The following LRTM2 variants were observed in gnomAD, a reference collection of about 807,000 sequenced individuals.
LRTM2 encodes leucine rich repeat transmembrane protein 2.
LRTM2 carries 18 observed loss-of-function variants against 28.1 expected under a neutral mutation model. The ratio of observed to expected loss-of-function variants is 0.64; its 90% confidence interval spans 0.44 to 0.95. The LOEUF is 0.95. Ranked by LOEUF, LRTM2 falls within the 40% of genes least tolerant of loss-of-function variation. LRTM2 has a pLI of 0.00. For missense variants in LRTM2, 436 were observed against 497.2 expected (o/e 0.88, Z 1.17); for synonymous variants, 250 against 218.7 (o/e 1.14, Z -1.26).
chr12:1,821,002 C>T (rs547283223), intron 1 of LRTM2, among the ~76,000 whole-genome samples, 188 bp downstream of exon 1: 42 of 152,260 alleles, frequency 2.8e-4, no homozygotes, highest in Non-Finnish European at 5.4e-4. Flanking sequence ...CAAAGGTGCA[C>T]GACACTGGGA....
chr12:1,823,583 C>G (rs1270712692), intron 1 of LRTM2, among the ~76,000 whole-genome samples: 3 of 152,028 alleles, frequency 2.0e-5, no homozygotes, highest in African/African-American at 7.2e-5. Context: ...TTGGCTCCCC[C>G]AGAACAGAGC....
At chr12:1,827,958 T>C (rs886946) in intron 2 of LRTM2, 118 bp from the exon 3 acceptor site, 335,849 of 421,278 alleles carry the variant, frequency 0.8, 134,749 homozygotes, top group East Asian at 0.91. Context: ...GAATCATAAC[T>C]GAGAGGAACA....
At chr12:1,831,688 C>G (rs1488078139) in intron 4 of LRTM2, among the ~76,000 whole-genome samples, 163 bp downstream of exon 4, 1 of 152,144 alleles carries the variant, frequency 6.6e-6, no homozygotes, top group Non-Finnish European at 1.5e-5. Flanking sequence ...CACAAGCCTC[C>G]CCTCACATGA....
chr12:1,828,296 CT>C lies in LRTM2; in HGVS notation c.67+83del. ...GACTGTAGGTAGCGCCATATGGGAC[CT>C]TAGCCACACTCAGGCTGCAGGGAGG... On this transcript the variant is annotated intron_variant, in intron 3 of 4. Transcript: ENST00000299194. This position sits in a 1 kb window ranked among gnomAD's most constrained non-coding sequence, Gnocchi z 4.2. 1 of 1,220,480 alleles carries C rather than the reference CT, an allele frequency of 8.2e-7. No individual in the cohort carries two copies. The highest frequency in any genetic ancestry group is 1.1e-6 in the Non-Finnish European group (1 of 887,370). The allele number at this position is 1,220,480 out of a possible 1,614,324, so 75.6% of individuals were successfully genotyped here.
chr12:1,834,189 T>G lies in LRTM2; in HGVS notation c.659-78T>G. The G allele has an allele frequency of 1.4e-6, 2 of 1,481,024 alleles. No homozygotes were observed. 91.7% of individuals were successfully genotyped at this position (1,481,024 alleles called of 1,614,324 possible). On this transcript the variant is annotated intron_variant, in intron 4 of 4. Coordinates refer to ENST00000299194, the MANE Select transcript of LRTM2 (RefSeq NM_001039029.3). This position sits in a 1 kb window ranked among gnomAD's most constrained non-coding sequence, Gnocchi z 7.6. ...AAAACTACCTTCTGGGGCTTCCGTT[T>G]TGGGGAGCTGGGGATGGGGAGAGGG...
intron 2 of LRTM2, 168 bp from the exon 3 acceptor site, chr12:1,827,908 G>T (rs968026028): frequency 4.9e-6 from 2 of 409,238 alleles, no homozygotes; most frequent in Non-Finnish European, 8.6e-6. Flanking sequence ...CATCCCAGGG[G>T]CTTGAAGGCT....
intron 1 of LRTM2, among the ~76,000 whole-genome samples, chr12:1,822,319 A>G (rs1864137575): frequency 6.6e-6 from 1 of 151,884 alleles, no homozygotes; most frequent in South Asian, 2.1e-4. Flanking sequence ...GATGGCATGT[A>G]TGTGATGGTT....
In LRTM2 at chr12:1,835,158, G is replaced by C. The variant is rs1864802813; in HGVS notation, c.*437G>C. 5.9e-6 allele frequency: 1 copy of C among 168,492 alleles called. No individual in the cohort carries two copies. The allele number at this position is 168,492 out of a possible 1,614,324, so 10.4% of individuals were successfully genotyped here. On this transcript the variant is annotated 3_prime_UTR_variant, in exon 5 of 5. Coordinates refer to ENST00000299194, the MANE Select transcript of LRTM2 (RefSeq NM_001039029.3). ...ATCTGAGGGATGAAGGTAGATTTCT[G>C]AGACTCTCTCCTAAGCCAGAAAGAC...
At chr12:1,825,489 C>T (rs1458668648) in intron 1 of LRTM2, among the ~76,000 whole-genome samples, 4 of 152,284 alleles carry the variant, frequency 2.6e-5, no homozygotes, top group Admixed American at 1.3e-4. Flanking sequence ...AGGCTGGAGG[C>T]GGCTTACACA....
chr12:1,835,404 A>T lies in LRTM2; in HGVS notation c.*683A>T, dbSNP rs1173383915. On this transcript the variant is annotated 3_prime_UTR_variant, in exon 5 of 5. Coordinates refer to ENST00000299194, the MANE Select transcript of LRTM2 (RefSeq NM_001039029.3). ...CCCATTGCATCACCAGTGCGGTCAC[A>T]TGGATTGAAAGAATTAATACACACA... The T allele has an allele frequency of 6.6e-6, 1 of 152,420 alleles. No individual in the cohort carries two copies. Among genetic ancestry groups the T allele is most frequent in the African/African-American group, 2.4e-5 (1 of 41,372 alleles). 9.4% of individuals were successfully genotyped at this position (152,420 alleles called of 1,614,324 possible).
intron 1 of LRTM2, among the ~76,000 whole-genome samples, chr12:1,824,549 G>A (rs1213526702): frequency 1.3e-5 from 2 of 152,216 alleles, no homozygotes; most frequent in Non-Finnish European, 2.9e-5. Context: ...CTAGGACTGG[G>A]TTAGGAGCAG....
intron 1 of LRTM2, among the ~76,000 whole-genome samples, chr12:1,827,106 G>T (rs1214931493): frequency 6.6e-6 from 1 of 152,186 alleles, no homozygotes; most frequent in African/African-American, 2.4e-5. Context: ...GAAGGAGAGG[G>T]GTGCGGGCAT....
Position 1,828,576 on chromosome 12 carries a change from T to C in LRTM2, c.67+361T>C, listed in dbSNP as rs1864467865. ...AAACAGCCTCACTGGTGCCTGAGCT[T>C]GTCGGCCTGTGTCACAGACTGCGGC... On this transcript the variant is annotated intron_variant, in intron 3 of 4. Transcript: ENST00000299194. This position sits in a 1 kb window ranked among gnomAD's most constrained non-coding sequence, Gnocchi z 4.2. Among the ~76,000 whole-genome samples the C allele has an allele frequency of 6.6e-6, 1 of 152,236 alleles. No homozygotes were observed.
chr12:1,824,330 G>A (rs1864230348), intron 1 of LRTM2, among the ~76,000 whole-genome samples: 1 of 152,160 alleles, frequency 6.6e-6, no homozygotes, highest in Non-Finnish European at 1.5e-5. Context: ...CTTCCTACAA[G>A]GCTCCCAAGC....
Position 1,828,181 on chromosome 12 carries a change from G to A in LRTM2, c.33G>A (p.Arg11=), listed in dbSNP as rs201807626. Residue 11 remains arginine (R), a synonymous_variant, in exon 3 of 5, where the codon AGG becomes AGA. Coordinates refer to ENST00000299194, the MANE Select transcript of LRTM2 (RefSeq NM_001039029.3). This position sits in a 1 kb window ranked among gnomAD's most constrained non-coding sequence, Gnocchi z 4.2. The part of the protein sequence containing the change: MLAPGSSPGQ[R]GRLALQWRQV... Reference sequence around the variant, plus strand: ...CGCCGGGCAGCAGCCCTGGGCAGAGGGGCAGGCTCGCCCTGCAGTGGAGGC... The same window carrying A: ...CGCCGGGCAGCAGCCCTGGGCAGAGAGGCAGGCTCGCCCTGCAGTGGAGGC... 163 of 1,547,288 alleles carry A rather than the reference G, an allele frequency of 1.1e-4. No individual in the cohort carries two copies. Among genetic ancestry groups the A allele is most frequent in the Middle Eastern group, 1.7e-4 (1 of 5,742 alleles).
chr12:1,828,784 C>T lies in LRTM2; in HGVS notation c.67+569C>T, dbSNP rs953653438. 6.6e-6 allele frequency among the ~76,000 whole-genome samples: 1 copy of T among 152,154 alleles called. No homozygotes were observed. The highest frequency in any genetic ancestry group is 1.5e-5 in the Non-Finnish European group (1 of 68,026). ...TGGGGAGTGGGTCCAACCCCTCCTG[C>T]ATATAGGCAGACTGAGCCGTCCATT... On this transcript the variant is annotated intron_variant, in intron 3 of 4. Transcript: ENST00000299194. The surrounding 1 kb of genome is among the most constrained non-coding windows in gnomAD (Gnocchi z 4.2).
Position 1,833,485 on chromosome 12 carries a change from C to T in LRTM2, c.659-782C>T, listed in dbSNP as rs1475834005. 2.6e-5 allele frequency among the ~76,000 whole-genome samples: 4 copies of T among 152,250 alleles called. No individual in the cohort carries two copies. The highest frequency in any genetic ancestry group is 4.2e-4 in the South Asian group (2 of 4,814). On this transcript the variant is annotated intron_variant, in intron 4 of 4. Coordinates refer to ENST00000299194, the MANE Select transcript of LRTM2 (RefSeq NM_001039029.3). This position sits in a 1 kb window ranked among gnomAD's most constrained non-coding sequence, Gnocchi z 4.2. ...CACCATCATCATGAAGACATCCTGGCGAGCCCGTGCGCCCAGGTACCCACA... is the reference window on the plus strand; with the variant it reads ...CACCATCATCATGAAGACATCCTGGTGAGCCCGTGCGCCCAGGTACCCACA...
Position 1,828,547 on chromosome 12 carries a change from T to C in LRTM2, c.67+332T>C, listed in dbSNP as rs1400583679. ...TCTGCTGGAATGCAGGCCTGCTGAGTCTTAAACAGCCTCACTGGTGCCTGA... is the reference window on the plus strand; with the variant it reads ...TCTGCTGGAATGCAGGCCTGCTGAGCCTTAAACAGCCTCACTGGTGCCTGA... On this transcript the variant is annotated intron_variant, in intron 3 of 4. Coordinates refer to ENST00000299194, the MANE Select transcript of LRTM2 (RefSeq NM_001039029.3). This position sits in a 1 kb window ranked among gnomAD's most constrained non-coding sequence, Gnocchi z 4.2. Among the ~76,000 whole-genome samples the C allele has an allele frequency of 1.3e-5, 2 of 152,118 alleles. No homozygotes were observed. The highest frequency in any genetic ancestry group is 2.9e-5 in the Non-Finnish European group (2 of 68,016).
Position 1,829,847 on chromosome 12 carries a change from C to T in LRTM2, c.68-1088C>T, listed in dbSNP as rs1817357271. 6.6e-6 allele frequency among the ~76,000 whole-genome samples: 1 copy of T among 151,998 alleles called. No homozygotes were observed. The highest frequency in any genetic ancestry group is 2.4e-5 in the African/African-American group (1 of 41,388). ...CCTCGGCTGGGCTGACCTGGTGGGG[C>T]TGAACTATTTTGAATTCTTCCCAGT... On this transcript the variant is annotated intron_variant, in intron 3 of 4. Transcript: ENST00000299194. This position sits in a 1 kb window ranked among gnomAD's most constrained non-coding sequence, Gnocchi z 4.2.
Sources: allele counts gnomAD v4.1 joint callset (sites outside exome capture counted in the v4.1 genomes callset), GRCh38; gene constraint gnomAD v4.1.1; non-coding constraint Gnocchi (gnomAD v3.1); transcripts MANE v1.5; gene names NCBI Gene and HGNC (gene_info 2026-07-23, HGNC 2026-07-21).